Variants in NFIB observed in about 807,000 individuals in gnomAD.
The protein encoded by NFIB is nuclear factor 1 B-type.
NFIB carries 11 observed loss-of-function variants against 61.5 expected under a neutral mutation model. That is an observed-to-expected ratio of 0.18 (90% CI 0.11 to 0.30). The LOEUF (loss-of-function observed/expected upper bound fraction) is 0.30, where lower values mean the gene tolerates loss of function less well. NFIB is among the 10% of genes least tolerant of loss of function. The pLI, the probability that NFIB is intolerant of heterozygous loss-of-function variation, is 1.00. For synonymous variants in NFIB, 260 were observed against 216.5 expected (o/e 1.20, Z -1.76); for missense variants, 471 against 608.9 (o/e 0.77, Z 2.38).
At chr9:14,270,171 C>CTGAAT (rs1231227680) in intron 2 of NFIB, among the ~76,000 whole-genome samples, 4 of 152,066 alleles carry the variant, frequency 2.6e-5, no homozygotes, top group Admixed American at 2.6e-4. Flanking sequence ...CTAAATCTGT[C>CTGAAT]TGAATAAGGG....
chr9:14,387,860 T>C (rs1015449219), intron 1 of NFIB, among the ~76,000 whole-genome samples: 3 of 152,170 alleles, frequency 2.0e-5, no homozygotes, highest in African/African-American at 7.2e-5. Context: ...AGAAAGATAA[T>C]ACTCATAGAG....
chr9:14,118,617 T>C (rs2038481525), intron 8 of NFIB, among the ~76,000 whole-genome samples: 1 of 152,110 alleles, frequency 6.6e-6, no homozygotes, highest in African/African-American at 2.4e-5. Flanking sequence ...TTTAAGGCTG[T>C]TAATAGATGA....
intron 2 of NFIB, among the ~76,000 whole-genome samples, chr9:14,200,690 T>A (rs757732696): frequency 1.3e-5 from 2 of 151,994 alleles, no homozygotes; most frequent in Admixed American, 1.3e-4. Context: ...TTGATGGCTA[T>A]CTCCTTCTCT....
intron 2 of NFIB, among the ~76,000 whole-genome samples, chr9:14,285,728 C>T (rs140515740): frequency 2.6e-5 from 4 of 152,174 alleles, no homozygotes; most frequent in East Asian, 3.9e-4. Context: ...CAATACCTGG[C>T]GCATAGTAAA....
Position 14,167,702 on chromosome 9 carries a change from G to C in NFIB, c.617-11809C>G, listed in dbSNP as rs1278135964. Among the ~76,000 whole-genome samples the C allele has an allele frequency of 4.6e-5, 7 of 152,236 alleles. No individual in the cohort carries two copies. In the East Asian group the frequency reaches 1.4e-3, roughly 29 times the overall value. ...TTCCACAGCACAAAAAGAATCACAAGTGAATCAGAAACATTCAGTGTAATC... is the reference window on the plus strand; with the variant it reads ...TTCCACAGCACAAAAAGAATCACAACTGAATCAGAAACATTCAGTGTAATC... On this transcript the variant is annotated intron_variant, in intron 3 of 10. Coordinates refer to ENST00000380953, the MANE Select transcript of NFIB (RefSeq NM_001190737.2).
At chr9:14,509,530 T>A in the NFIB span, among the ~76,000 whole-genome samples, 4 of 152,220 alleles carry the variant, frequency 2.6e-5, no homozygotes, top group Non-Finnish European at 5.9e-5. Context: ...AACATCATAC[T>A]ACTATCATAA....
At chr9:14,292,934 A>G (rs952875536) in intron 2 of NFIB, among the ~76,000 whole-genome samples, 7 of 152,202 alleles carry the variant, frequency 4.6e-5, no homozygotes, top group Admixed American at 6.5e-5. Context: ...AATTATCGTC[A>G]TCCCCTACAA....
At chr9:14,426,947 G>A in the NFIB span, among the ~76,000 whole-genome samples, 6 of 152,146 alleles carry the variant, frequency 3.9e-5, no homozygotes, top group African/African-American at 7.2e-5. Flanking sequence ...CCTCTTTTCT[G>A]CTTGTGTCCT....
intron 2 of NFIB, chr9:14,305,864 G>C (rs2059990698): frequency 1.8e-6 from 1 of 564,332 alleles, no homozygotes; most frequent in Non-Finnish European, 2.7e-6. Flanking sequence ...CCTCCCACCA[G>C]GCCAAGTTTG....
intron 3 of NFIB, among the ~76,000 whole-genome samples, chr9:14,169,856 C>T (rs192073322): frequency 1.1e-3 from 172 of 152,234 alleles, no homozygotes; most frequent in Admixed American, 4.1e-3. Context: ...CACAAAAGTC[C>T]TTGCTTAAAT....
chr9:14,414,177 T>C, the NFIB span, among the ~76,000 whole-genome samples: 1 of 152,036 alleles, frequency 6.6e-6, no homozygotes, highest in Non-Finnish European at 1.5e-5. Context: ...GTGGCTCACG[T>C]CTGTAATCCT....
chr9:14,380,244 G>A (rs2061472197), intron 1 of NFIB, among the ~76,000 whole-genome samples: 3 of 152,174 alleles, frequency 2.0e-5, no homozygotes, highest in Admixed American at 2.0e-4. Flanking sequence ...CTTCCACCAT[G>A]AGAAGCTCCA....
At chr9:14,295,471 A>G (rs1191697732) in intron 2 of NFIB, among the ~76,000 whole-genome samples, 1 of 136,914 alleles carries the variant, frequency 7.3e-6, no homozygotes, top group African/African-American at 3.0e-5. Flanking sequence ...CTAAACATAC[A>G]AAAAAAAAAC....
At chr9:14,302,355 T>C (rs967555761) in intron 2 of NFIB, among the ~76,000 whole-genome samples, 1 of 152,184 alleles carries the variant, frequency 6.6e-6, no homozygotes, top group Non-Finnish European at 1.5e-5. Flanking sequence ...AAAACAGTAA[T>C]AATGATTATG....
At chr9:14,419,695 C>T in the NFIB span, among the ~76,000 whole-genome samples, 4 of 152,124 alleles carry the variant, frequency 2.6e-5, no homozygotes, top group Admixed American at 6.5e-5. Flanking sequence ...GTTGGCTTTT[C>T]TTTTGCTTTC....
intron 2 of NFIB, among the ~76,000 whole-genome samples, chr9:14,291,482 G>C (rs1033093893): frequency 1.3e-5 from 2 of 152,024 alleles, no homozygotes; most frequent in African/African-American, 4.8e-5. Context: ...CTCTGTAAAA[G>C]AATTTCTACC....
the NFIB span, among the ~76,000 whole-genome samples, chr9:14,455,784 T>C: frequency 6.6e-6 from 1 of 152,156 alleles, no homozygotes; most frequent in Admixed American, 6.5e-5. Context: ...GGAACTAGAC[T>C]AGAAAATTCT....
intron 1 of NFIB, among the ~76,000 whole-genome samples, chr9:14,353,409 C>T (rs900573401): frequency 1.3e-5 from 2 of 152,160 alleles, no homozygotes; most frequent in African/African-American, 4.8e-5. Flanking sequence ...TGGTGGACCA[C>T]TGCTAGGGTG....
At chr9:14,143,172 C>T (rs1586986793) in intron 6 of NFIB, among the ~76,000 whole-genome samples, 1 of 151,984 alleles carries the variant, frequency 6.6e-6, no homozygotes, top group South Asian at 2.1e-4. Context: ...GAAGTTGTAA[C>T]TTTTTGTTTT....
Sources: allele counts gnomAD v4.1 joint callset (sites outside exome capture counted in the v4.1 genomes callset), GRCh38; gene constraint gnomAD v4.1.1; transcripts MANE v1.5; gene names NCBI Gene and HGNC (gene_info 2026-07-23, HGNC 2026-07-21).